Variants in ALPK2 observed in about 807,000 individuals in gnomAD.
The protein encoded by ALPK2 is alpha-protein kinase 2.
Under a neutral mutation model 163.1 loss-of-function variants are expected in ALPK2, and 127 were observed. That is an observed-to-expected ratio of 0.78 (90% CI 0.67 to 0.90). The LOEUF (loss-of-function observed/expected upper bound fraction) is 0.90. ALPK2 is among the 40% of genes least tolerant of loss of function. The probability of loss-of-function intolerance (pLI) is 0.00; values close to 1 mark genes in which losing one functional copy is unlikely to be tolerated. For missense variants in ALPK2, 2,360 were observed against 2,589.6 expected, an observed-to-expected ratio of 0.91 and a Z score of 1.92; for synonymous variants, 953 against 959.1, an observed-to-expected ratio of 0.99 and a Z score of 0.12.
chr18:58,613,708 A>AAAAAATAATAAT (rs1296907485), intron 1 of ALPK2, among the ~76,000 whole-genome samples: 3 of 95,216 alleles, frequency 3.2e-5, no homozygotes, highest in Non-Finnish European at 6.5e-5. Context: ...CAAAAAAAAA[A>AAAAAATAATAAT]AATAATAATA....
intron 10 of ALPK2, among the ~76,000 whole-genome samples, chr18:58,510,200 C>T (rs190710940): frequency 2.1e-4 from 32 of 152,172 alleles, no homozygotes; most frequent in African/African-American, 4.6e-4. Context: ...GTTGTAGATA[C>T]GTGGCGTTAT....
chr18:58,535,841 G>A lies in ALPK2; in HGVS notation c.4346C>T (p.Pro1449Leu), dbSNP rs187222729. 45 of 1,614,130 alleles carry A rather than the reference G, an allele frequency of 2.8e-5. No homozygotes were observed. In the East Asian group the frequency reaches 2.9e-4, roughly 10 times the overall value. Residue 1449 changes from proline (P) to leucine (L), a missense_variant, in exon 5 of 13, where the codon CCG (proline) becomes CTG (leucine). Pro to Leu is a moderately conservative substitution (Grantham distance 98). Coordinates refer to ENST00000361673, the MANE Select transcript of ALPK2 (RefSeq NM_052947.4). ...GNMGHEAEIQ[P>L]AILQVPCLQG... ...GAGACATGGAACTTGCAAAATGGCC[G>A]GCTGGATTTCCGCTTCGTGGCCCAT...
intron 1 of ALPK2, among the ~76,000 whole-genome samples, chr18:58,625,165 G>T (rs893634336): frequency 2.0e-5 from 3 of 151,118 alleles, no homozygotes; most frequent in Admixed American, 1.3e-4. Flanking sequence ...CTCTTTGAAG[G>T]CTTCCCTGAT....
At chr18:58,612,912 T>G (rs2052140782) in intron 1 of ALPK2, among the ~76,000 whole-genome samples, 2 of 152,204 alleles carry the variant, frequency 1.3e-5, no homozygotes, top group African/African-American at 4.8e-5. Context: ...AGAACCACAC[T>G]ACAGTGTGGT....
At chr18:58,593,424 C>T (rs761678206) in intron 3 of ALPK2, among the ~76,000 whole-genome samples, 4 of 151,174 alleles carry the variant, frequency 2.6e-5, no homozygotes, top group African/African-American at 7.3e-5. Context: ...ATTAGCAGAG[C>T]GTTGTGGCAT....
chr18:58,487,644 A>G (rs1245156961), intron 12 of ALPK2, among the ~76,000 whole-genome samples: 1 of 152,218 alleles, frequency 6.6e-6, no homozygotes, highest in Non-Finnish European at 1.5e-5. Context: ...TCTAATTAGT[A>G]TAATTTTTTA....
chr18:58,496,448 C>T (rs1286642197), intron 12 of ALPK2, among the ~76,000 whole-genome samples: 1 of 152,184 alleles, frequency 6.6e-6, no homozygotes, highest in Non-Finnish European at 1.5e-5. Context: ...AGGTCCAAAC[C>T]GCATTCTGGT....
At chr18:58,484,740 C>T (rs149784750) in intron 12 of ALPK2, among the ~76,000 whole-genome samples, 2,061 of 112,510 alleles carry the variant, frequency 0.018, 23 homozygotes, top group South Asian at 0.052. Flanking sequence ...GAGACTTCGT[C>T]TCAAAAAATA....
chr18:58,559,410 T>C (rs905315724), intron 4 of ALPK2, among the ~76,000 whole-genome samples: 2 of 112,012 alleles, frequency 1.8e-5, no homozygotes, highest in East Asian at 3.9e-4. Context: ...AGCTACAACA[T>C]CCTTTGCCCC....
intron 1 of ALPK2, among the ~76,000 whole-genome samples, chr18:58,620,248 G>A (rs1202934891): frequency 2.0e-5 from 3 of 152,124 alleles, no homozygotes; most frequent in South Asian, 2.1e-4. Context: ...CCGAGATCAC[G>A]CCATTGCACT....
intron 1 of ALPK2, among the ~76,000 whole-genome samples, chr18:58,618,385 G>T (rs2052181110): frequency 6.6e-6 from 1 of 152,188 alleles, no homozygotes; most frequent in Non-Finnish European, 1.5e-5. Flanking sequence ...AAATGGGCAG[G>T]ACCTTTAACA....
intron 11 of ALPK2, among the ~76,000 whole-genome samples, chr18:58,498,800 C>T (rs191887774): frequency 5.6e-4 from 86 of 152,312 alleles, no homozygotes; most frequent in Middle Eastern, 3.4e-3. Flanking sequence ...ACGTGCCTTC[C>T]GCCTTCCACC....
At chr18:58,561,938 A>C (rs991200188) in intron 4 of ALPK2, among the ~76,000 whole-genome samples, 1 of 152,186 alleles carries the variant, frequency 6.6e-6, no homozygotes, top group Non-Finnish European at 1.5e-5. Flanking sequence ...TACTTTCAAC[A>C]ATCTGGATGC....
chr18:58,616,091 G>A (rs2052166319), intron 1 of ALPK2, among the ~76,000 whole-genome samples: 1 of 152,228 alleles, frequency 6.6e-6, no homozygotes, highest in Non-Finnish European at 1.5e-5. Context: ...ATTGGTATTA[G>A]TGGAGGAGTT....
intron 11 of ALPK2, among the ~76,000 whole-genome samples, chr18:58,502,654 G>A (rs4940721): frequency 0.11 from 17,051 of 152,250 alleles, 1,184 homozygotes; most frequent in East Asian, 0.38. Context: ...TTTCTTAACA[G>A]CAAACAGAAA....
At chr18:58,565,427 T>G (rs1412480047) in intron 4 of ALPK2, among the ~76,000 whole-genome samples, 1 of 152,230 alleles carries the variant, frequency 6.6e-6, no homozygotes, top group Non-Finnish European at 1.5e-5. Context: ...TTTATCTATC[T>G]GATGAAAGAT....
chr18:58,571,427 G>GAAAAAAAAAAAA (rs77059313), intron 4 of ALPK2, among the ~76,000 whole-genome samples: 1 of 108,730 alleles, frequency 9.2e-6, no homozygotes, highest in Non-Finnish European at 1.9e-5. Flanking sequence ...ACATCCACAG[G>GAAAAAAAAAAAA]AAAAAAAAAA....
chr18:58,503,168 A>G (rs969721223), intron 11 of ALPK2, among the ~76,000 whole-genome samples: 6 of 152,254 alleles, frequency 3.9e-5, no homozygotes, highest in Admixed American at 3.9e-4. Context: ...TTCCTAAACA[A>G]TTGTGTATAC....
chr18:58,539,873 T>G (rs2051681465), intron 4 of ALPK2, among the ~76,000 whole-genome samples: 1 of 152,364 alleles, frequency 6.6e-6, no homozygotes, highest in East Asian at 1.9e-4. Context: ...TCCCCCAGGC[T>G]GCTTACAGCC....
Sources: allele counts gnomAD v4.1 joint callset (sites outside exome capture counted in the v4.1 genomes callset), GRCh38; gene constraint gnomAD v4.1.1; transcripts MANE v1.5; gene names NCBI Gene and HGNC (gene_info 2026-07-23, HGNC 2026-07-21).